KHDRBS2: variants seen among roughly 807,000 people sequenced by gnomAD.
KHDRBS2 encodes the protein KH domain-containing, RNA-binding, signal transduction-associated protein 2.
Under a neutral mutation model 44.3 loss-of-function variants are expected in KHDRBS2, and 26 were observed. That is an observed-to-expected ratio of 0.59 (90% CI 0.43 to 0.81). The LOEUF (loss-of-function observed/expected upper bound fraction) is 0.81. Among genes scored for constraint, KHDRBS2 ranks in the 40% least tolerant of loss-of-function variants. KHDRBS2 has a pLI of 0.00. For synonymous variants in KHDRBS2, 194 were observed against 151.1 expected, an observed-to-expected ratio of 1.28 and a Z score of -2.08; for missense variants, 476 against 433.1, an observed-to-expected ratio of 1.10 and a Z score of -0.88.
intron 6 of KHDRBS2, among the ~76,000 whole-genome samples, chr6:61,828,885 T>G (rs1791348066): frequency 6.6e-6 from 1 of 152,252 alleles, no homozygotes; most frequent in Admixed American, 6.5e-5. Flanking sequence ...CACATTAGTT[T>G]GTCAAATTAA....
In KHDRBS2 at chr6:62,275,571, G is replaced by A. The variant is rs189589713; in HGVS notation, c.91+10287C>T. ...TTATAAAATGAATGTACTGGTGGAT[G>A]TAAATCAAGTTCCAGAAAACAATTC... On this transcript the variant is annotated intron_variant, in intron 1 of 8. Coordinates refer to ENST00000281156, the MANE Select transcript of KHDRBS2 (RefSeq NM_152688.4). 5.8e-3 allele frequency among the ~76,000 whole-genome samples: 878 copies of A among 152,264 alleles called. 20 individuals are homozygous for A. Among genetic ancestry groups the A allele is most frequent in the Middle Eastern group, 3.4e-3 (1 of 294 alleles).
chr6:62,005,127 G>A (rs1291879883), intron 3 of KHDRBS2, among the ~76,000 whole-genome samples: 1 of 151,950 alleles, frequency 6.6e-6, no homozygotes, highest in East Asian at 1.9e-4. Context: ...TGTTCTTGGT[G>A]TATATATCAT....
At chr6:61,826,819 A>G (rs1283007499) in intron 6 of KHDRBS2, among the ~76,000 whole-genome samples, 1 of 152,138 alleles carries the variant, frequency 6.6e-6, no homozygotes, top group Admixed American at 6.6e-5. Context: ...AAATTTGGGA[A>G]GTTTTTTGAA....
the KHDRBS2 span, among the ~76,000 whole-genome samples, chr6:61,605,481 A>G: frequency 2.0e-5 from 3 of 152,136 alleles, no homozygotes; most frequent in Non-Finnish European, 4.4e-5. Flanking sequence ...CTCTAATTGG[A>G]TGTCCTGGGT....
chr6:61,785,343 G>A (rs1207979217), intron 6 of KHDRBS2, among the ~76,000 whole-genome samples: 2 of 151,962 alleles, frequency 1.3e-5, no homozygotes, highest in South Asian at 2.1e-4. Context: ...CACAATGTAG[G>A]AAAAGTAATA....
At chr6:62,086,286 T>C (rs774090426) in intron 2 of KHDRBS2, among the ~76,000 whole-genome samples, 3 of 152,164 alleles carry the variant, frequency 2.0e-5, no homozygotes, top group Admixed American at 1.3e-4. Context: ...AAGTGATTGA[T>C]TAATCCCAGG....
chr6:61,625,814 C>T, the KHDRBS2 span, among the ~76,000 whole-genome samples: 2 of 152,162 alleles, frequency 1.3e-5, no homozygotes, highest in Admixed American at 1.3e-4. Flanking sequence ...TTCAAACGGG[C>T]ACATCAGATA....
rs549311963 is a variant in KHDRBS2 at position 62,078,842 on chromosome 6, C to T, written c.220-30848G>A. On this transcript the variant is annotated intron_variant, in intron 2 of 8. Coordinates refer to ENST00000281156, the MANE Select transcript of KHDRBS2 (RefSeq NM_152688.4). ...GCAAATGACATACTTCAGAGACAAT[C>T]AATATGTTTTGCATTTGCTACTAAA... Among the ~76,000 whole-genome samples, 35 of 151,970 alleles carry T rather than the reference C, an allele frequency of 2.3e-4. 1 individual carries two copies. The highest frequency in any genetic ancestry group is 5.2e-4 in the Non-Finnish European group (35 of 67,944).
chr6:62,106,831 A>C (rs1167158339), intron 2 of KHDRBS2, among the ~76,000 whole-genome samples: 3 of 152,142 alleles, frequency 2.0e-5, no homozygotes, highest in Non-Finnish European at 4.4e-5. Context: ...AACAGAACCA[A>C]AGACAAAAAC....
chr6:61,567,718 C>T, the KHDRBS2 span, among the ~76,000 whole-genome samples: 1 of 96,484 alleles, frequency 1.0e-5, no homozygotes, highest in Non-Finnish European at 2.4e-5. Flanking sequence ...TTCCTCTCTC[C>T]CTCCTTCTCT....
At chr6:62,087,999 G>C (rs535184374) in intron 2 of KHDRBS2, among the ~76,000 whole-genome samples, 1 of 152,028 alleles carries the variant, frequency 6.6e-6, no homozygotes, top group Non-Finnish European at 1.5e-5. Flanking sequence ...ATTAATACTT[G>C]CGTATGCTTC....
intron 2 of KHDRBS2, among the ~76,000 whole-genome samples, chr6:62,059,208 T>TTTG (rs1562748959): frequency 3.6e-5 from 4 of 112,576 alleles, no homozygotes; most frequent in Non-Finnish European, 3.5e-5. Flanking sequence ...GTTTTTTTTT[T>TTTG]TTTTTTTTTT....
intron 4 of KHDRBS2, among the ~76,000 whole-genome samples, chr6:61,908,035 G>C (rs1426999918): frequency 6.6e-6 from 1 of 152,152 alleles, no homozygotes; most frequent in African/African-American, 2.4e-5. Flanking sequence ...ATATGAATGA[G>C]TGGTTATAGT....
At chr6:61,929,086 T>C (rs909981635) in intron 4 of KHDRBS2, among the ~76,000 whole-genome samples, 2 of 152,090 alleles carry the variant, frequency 1.3e-5, no homozygotes, top group African/African-American at 2.4e-5. Context: ...AACATTCAAA[T>C]TGGGCAAGGA....
At position 61,976,983 on chromosome 6, in the gene KHDRBS2, C is replaced by T. The variant is rs114603894; in HGVS notation, c.483+1083G>A. 1.0e-2 allele frequency among the ~76,000 whole-genome samples: 1,514 copies of T among 152,156 alleles called. 29 individuals are homozygous for T. Among genetic ancestry groups the T allele is most frequent in the African/African-American group, 0.034 (1,418 of 41,502 alleles). On this transcript the variant is annotated intron_variant, in intron 4 of 8. Coordinates refer to ENST00000281156, the MANE Select transcript of KHDRBS2 (RefSeq NM_152688.4). Reference sequence around the variant, plus strand: ...CATATGAAGTTAAGAATAATCAGAACGGTCTGCAATTATTCTATAACCTTG... The same window carrying T: ...CATATGAAGTTAAGAATAATCAGAATGGTCTGCAATTATTCTATAACCTTG...
rs1223358168 is a variant in KHDRBS2, at chr6:62,027,158, A to C, written c.336+20720T>G. 2.0e-5 allele frequency among the ~76,000 whole-genome samples: 3 copies of C among 152,090 alleles called. No individual in the cohort carries two copies. In the East Asian group the frequency reaches 5.8e-4, roughly 29 times the overall value. On this transcript the variant is annotated intron_variant, in intron 3 of 8. Coordinates refer to ENST00000281156, the MANE Select transcript of KHDRBS2 (RefSeq NM_152688.4). ...CTACCTTTGTTTCGACTGTAGTTTG[A>C]AGGAAGTGAGGGAATAAAGCTGGAT...
At chr6:61,898,065 A>T (rs904838463) in intron 5 of KHDRBS2, among the ~76,000 whole-genome samples, 1 of 152,114 alleles carries the variant, frequency 6.6e-6, no homozygotes, top group Non-Finnish European at 1.5e-5. Context: ...AGATAGGATT[A>T]TTGAAATGTA....
chr6:62,143,839 C>A (rs1813368163), intron 2 of KHDRBS2, among the ~76,000 whole-genome samples: 2 of 151,860 alleles, frequency 1.3e-5, no homozygotes, highest in Admixed American at 1.3e-4. Context: ...TTCATGTTGA[C>A]AGTACTTCTG....
At position 62,110,569 on chromosome 6, in the gene KHDRBS2, T is replaced by G. The variant is rs144087042; in HGVS notation, c.220-62575A>C. Among the ~76,000 whole-genome samples the G allele has an allele frequency of 4.6e-5, 7 of 152,236 alleles. No homozygotes were observed. In the East Asian group the frequency reaches 1.2e-3, roughly 25 times the overall value. On this transcript the variant is annotated intron_variant, in intron 2 of 8. Coordinates refer to ENST00000281156, the MANE Select transcript of KHDRBS2 (RefSeq NM_152688.4). ...TGGATAAATATTCAAATAATTATGT[T>G]GAGTGAAAGAAGTCAGACTCCTCCA... is the stretch of plus-strand genomic sequence containing the variant.
Sources: gnomAD v4.1 joint callset for allele counts (sites outside exome capture counted in the v4.1 genomes callset) on GRCh38, gnomAD v4.1.1 for gene constraint, MANE v1.5 for transcripts, NCBI Gene and HGNC (gene_info 2026-07-23, HGNC 2026-07-21) for gene names.